SH2D3C: variants seen among roughly 807,000 people sequenced by gnomAD.
SH2D3C encodes the protein SH2 domain-containing protein 3C.
A neutral mutation model predicts 75.2 loss-of-function variants in SH2D3C; 25 were observed. The ratio of observed to expected loss-of-function variants is 0.33; its 90% CI spans 0.24 to 0.46. The LOEUF is 0.46. Ranked by LOEUF, SH2D3C falls within the 20% of genes least tolerant of loss-of-function variation. The pLI, the probability that SH2D3C is intolerant of heterozygous loss-of-function variation, is 1.00. For missense variants in SH2D3C, 933 were observed against 1,165.3 expected (o/e 0.80, Z 2.90); for synonymous variants, 450 against 473.7 (o/e 0.95, Z 0.65).
Position 127,765,057 on chromosome 9 carries a change from C to T in SH2D3C, c.516-3407G>A, listed in dbSNP as rs183729348. Among the ~76,000 whole-genome samples the T allele has an allele frequency of 1.0e-3, 159 of 152,046 alleles. 1 individual carries two copies. The highest frequency in any genetic ancestry group is 1.8e-3 in the Non-Finnish European group (122 of 67,978). Reference sequence around the variant, plus strand: ...ACAGAGTCTCACTCTGTCATCTAGGCTGGGATGCAGTGGTGAGATCATGGC... The same window carrying T: ...ACAGAGTCTCACTCTGTCATCTAGGTTGGGATGCAGTGGTGAGATCATGGC... On this transcript the variant is annotated intron_variant, in intron 2 of 11. Transcript: ENST00000314830.
intron 3 of SH2D3C, chr9:127,755,004 G>A: frequency 4.2e-6 from 3 of 708,786 alleles, no homozygotes; most frequent in Non-Finnish European, 5.7e-6. Context: ...CTCCCCGGCT[G>A]GCTCTAGGGC....
intron 3 of SH2D3C, chr9:127,755,384 C>A (rs964838254): frequency 5.9e-6 from 2 of 341,522 alleles, no homozygotes; most frequent in Non-Finnish European, 5.0e-6. Flanking sequence ...GCCCGCCCCC[C>A]GCTCCCAGCC....
In SH2D3C at chr9:127,749,449, C is replaced by A; in HGVS notation, c.901G>T (p.Val301Leu). 1 of 1,614,214 alleles carries A rather than the reference C, an allele frequency of 6.2e-7. No individual in the cohort carries two copies. Among genetic ancestry groups the A allele is most frequent in the Non-Finnish European group, 8.5e-7 (1 of 1,180,044 alleles). ...TCTGACACAGCCTTGCGGCTGCCCA[C>A]ATGATAGCGCACGAGGGCGGGCACG... is the stretch of plus-strand genomic sequence containing the variant. ...DHVPALVRYH[V>L]GSRKAVSEQS... Residue 301 changes from valine to leucine, a missense_variant, in exon 5 of 12, where the codon GTG becomes TTG. Val to Leu is a conservative substitution (Grantham distance 32, BLOSUM62 1). Transcript: ENST00000314830. The surrounding 1 kb of genome is among the most constrained non-coding windows in gnomAD (Gnocchi z 5.9).
At chr9:127,750,844 G>A (rs1023003281) in intron 4 of SH2D3C, among the ~76,000 whole-genome samples, 2 of 152,250 alleles carry the variant, frequency 1.3e-5, no homozygotes, top group Admixed American at 6.5e-5. Flanking sequence ...AGGCAGATAT[G>A]TAGACCAGTA....
chr9:127,749,109 A>T lies in SH2D3C; in HGVS notation c.1139+102T>A, dbSNP rs564474520. The T allele has an allele frequency of 4.9e-5, 43 of 884,226 alleles. No homozygotes were observed. The South Asian group carries it at 6.9e-4, about 14-fold the overall frequency. 54.8% of individuals were successfully genotyped at this position (884,226 alleles called of 1,614,324 possible). A position where few individuals can be genotyped will look rare whatever the true frequency, so the allele number is the denominator to read the frequency against. ...ATTCCTCCCTGCACACAGAGGCTCC[A>T]GGAGAGTAATTTCATCCCATTTCAG... On this transcript the variant is annotated intron_variant, in intron 5 of 11. Transcript: ENST00000314830. This position sits in a 1 kb window ranked among gnomAD's most constrained non-coding sequence, Gnocchi z 5.9.
intron 2 of SH2D3C, among the ~76,000 whole-genome samples, chr9:127,761,870 C>G (rs1845535187): frequency 6.6e-6 from 1 of 152,214 alleles, no homozygotes; most frequent in African/African-American, 2.4e-5. Flanking sequence ...CATTTCGTAT[C>G]TGTAAATCAG....
At chr9:127,756,441 G>A (rs894614833) in intron 3 of SH2D3C, among the ~76,000 whole-genome samples, 1 of 152,196 alleles carries the variant, frequency 6.6e-6, no homozygotes, top group African/African-American at 2.4e-5. Context: ...GCAGGTGGGT[G>A]AGTCCACCTC....
Position 127,751,192 on chromosome 9 carries a change from G to A in SH2D3C, c.664C>T (p.His222Tyr). Residue 222 changes from histidine (H) to tyrosine (Y), a missense_variant, in exon 4 of 12, where the codon CAT (histidine) becomes TAT (tyrosine). Coordinates refer to ENST00000314830, the MANE Select transcript of SH2D3C (RefSeq NM_170600.3). The surrounding 1 kb of genome is among the most constrained non-coding windows in gnomAD (Gnocchi z 4.1). Reference sequence around the variant, plus strand: ...CTCACCTCTCGGGGGATGCGGCCATGGTACCAGGCATGGCTGCGGAGATCC... The same window carrying A: ...CTCACCTCTCGGGGGATGCGGCCATAGTACCAGGCATGGCTGCGGAGATCC... ...STDLRSHAWYHGRIPREVSET... is the reference protein window; with the variant it reads ...STDLRSHAWYYGRIPREVSET... 1 of 1,614,118 alleles carries A rather than the reference G, an allele frequency of 6.2e-7. No homozygotes were observed. The highest frequency in any genetic ancestry group is 8.5e-7 in the Non-Finnish European group (1 of 1,180,016).
chr9:127,771,115 G>A (rs1845728683), intron 2 of SH2D3C: 36 of 1,218,706 alleles, frequency 3.0e-5, no homozygotes, highest in Non-Finnish European at 3.9e-5. Flanking sequence ...GCTGCCCCAG[G>A]GGTGCAGATT....
chr9:127,752,841 G>A (rs758239241), intron 3 of SH2D3C, among the ~76,000 whole-genome samples: 18 of 152,138 alleles, frequency 1.2e-4, no homozygotes, highest in Non-Finnish European at 1.5e-4. Context: ...TGAATGTCCC[G>A]AGATGCACAG....
intron 3 of SH2D3C, among the ~76,000 whole-genome samples, chr9:127,760,401 G>T (rs532384470): frequency 6.6e-6 from 1 of 152,026 alleles, no homozygotes; most frequent in African/African-American, 2.4e-5. Flanking sequence ...CATAATATCA[G>T]GTTGGTGCAA....
chr9:127,747,243 T>G lies in SH2D3C; in HGVS notation c.1168A>C (p.Ile390Leu). The G allele has an allele frequency of 1.2e-6, 2 of 1,613,638 alleles. No homozygotes were observed. The highest frequency in any genetic ancestry group is 1.7e-6 in the Non-Finnish European group (2 of 1,179,978). ...STSLPRPRDS[I>L]RSCALSMDQI... ...TCCATGCTGAGGGCACAGCTGCGGATGGAGTCCCGAGGGCGGGGCAGCGAC... is the reference window on the plus strand; with the variant it reads ...TCCATGCTGAGGGCACAGCTGCGGAGGGAGTCCCGAGGGCGGGGCAGCGAC... Residue 390 changes from isoleucine to leucine, a missense_variant, in exon 6 of 12, where the codon ATC (isoleucine) becomes CTC (leucine). Ile to Leu is a conservative substitution (Grantham distance 5). Coordinates refer to ENST00000314830, the MANE Select transcript of SH2D3C (RefSeq NM_170600.3).
In SH2D3C at chr9:127,742,842, G is replaced by C. The variant is rs1844906236; in HGVS notation, c.1916+7C>G. 3.7e-6 allele frequency: 6 copies of C among 1,609,128 alleles called. No individual in the cohort carries two copies. Among genetic ancestry groups the C allele is most frequent in the Non-Finnish European group, 4.2e-6 (5 of 1,176,956 alleles). ...CCGCGAGTCCCCGGGTGCCGGCGCTGTCTCACCTTTCCAGCAGGTCTAGGC... is the reference window on the plus strand; with the variant it reads ...CCGCGAGTCCCCGGGTGCCGGCGCTCTCTCACCTTTCCAGCAGGTCTAGGC... On this transcript the variant is annotated splice_region_variant and intron_variant, in intron 8 of 11. Coordinates refer to ENST00000314830, the MANE Select transcript of SH2D3C (RefSeq NM_170600.3).
At chr9:127,778,180 G>T (rs1469741029) in intron 1 of SH2D3C, among the ~76,000 whole-genome samples, 1 of 150,708 alleles carries the variant, frequency 6.6e-6, no homozygotes, top group Non-Finnish European at 1.5e-5. Context: ...GTAGAGAGGG[G>T]TTTCACCATG....
intron 3 of SH2D3C, among the ~76,000 whole-genome samples, chr9:127,758,545 AGGTCCTC>A (rs1845451280): frequency 6.6e-6 from 1 of 152,102 alleles, no homozygotes; most frequent in Non-Finnish European, 1.5e-5. Context: ...GGTTTTCCCC[AGGTCCTC>A]CCTCCCACGG....
intron 3 of SH2D3C, among the ~76,000 whole-genome samples, chr9:127,753,982 C>G (rs1845278542): frequency 6.6e-6 from 1 of 152,188 alleles, no homozygotes; most frequent in Non-Finnish European, 1.5e-5. Flanking sequence ...CTCCCCTTTT[C>G]CAGCTTAATC....
Position 127,749,723 on chromosome 9 carries a change from G to T in SH2D3C, c.685-58C>A. The T allele has an allele frequency of 8.6e-7, 1 of 1,160,600 alleles. No individual in the cohort carries two copies. 71.9% of individuals were successfully genotyped at this position (1,160,600 alleles called of 1,614,324 possible). Reference sequence around the variant, plus strand: ...GGGGCCAGGAGAGGGTCAGACCCAGGATCTGGGGGACAGAGCAACCCAGGA... The same window carrying T: ...GGGGCCAGGAGAGGGTCAGACCCAGTATCTGGGGGACAGAGCAACCCAGGA... On this transcript the variant is annotated intron_variant, in intron 4 of 11. Transcript: ENST00000314830. This position sits in a 1 kb window ranked among gnomAD's most constrained non-coding sequence, Gnocchi z 5.9.
At chr9:127,740,427 G>T in intron 9 of SH2D3C, 58 bp from the exon 10 acceptor site, 1 of 1,252,978 alleles carries the variant, frequency 8.0e-7, no homozygotes, top group Non-Finnish European at 1.2e-6. Flanking sequence ...GGGCCACCCT[G>T]CTGCCCTGCT....
chr9:127,749,514 G>C lies in SH2D3C; in HGVS notation c.836C>G (p.Thr279Arg). The change falls in exon 5 of 12, where the codon ACA becomes AGA. Residue 279 changes from threonine (T) to arginine (R), a missense_variant. Physicochemically the swap from Thr to Arg is moderately conservative, Grantham distance 71. Coordinates refer to ENST00000314830, the MANE Select transcript of SH2D3C (RefSeq NM_170600.3). This position sits in a 1 kb window ranked among gnomAD's most constrained non-coding sequence, Gnocchi z 5.9. ...KVVVKAGESY[T>R]HIQYLFEQES... ...CTGCTCAAACAGGTACTGGATGTGT[G>C]TGTAGCTCTCGCCTGCCTTCACCAC... 1 of 1,614,184 alleles carries C rather than the reference G, an allele frequency of 6.2e-7. No homozygotes were observed. Among genetic ancestry groups the C allele is most frequent in the Non-Finnish European group, 8.5e-7 (1 of 1,179,996 alleles).
Sources: allele counts gnomAD v4.1 joint callset (sites outside exome capture counted in the v4.1 genomes callset), GRCh38; gene constraint gnomAD v4.1.1; non-coding constraint Gnocchi (gnomAD v3.1); transcripts MANE v1.5; gene names NCBI Gene and HGNC (gene_info 2026-07-23, HGNC 2026-07-21).